The following ATF6 variants were observed in gnomAD, a reference collection of about 807,000 sequenced individuals.
ATF6 encodes activating transcription factor 6.
Under a neutral mutation model 83.6 loss-of-function variants are expected in ATF6, and 53 were observed. The ratio of observed to expected loss-of-function variants is 0.63; its 90% CI spans 0.51 to 0.80. ATF6 has a LOEUF of 0.80. Among genes scored for constraint, ATF6 ranks in the 30% least tolerant of loss-of-function variants. The pLI, the probability that ATF6 is intolerant of heterozygous loss-of-function variation, is 0.00. For missense variants in ATF6, 744 were observed against 797.9 expected, an observed-to-expected ratio of 0.93 and a Z score of 0.81; for synonymous variants, 288 against 285.8, an observed-to-expected ratio of 1.01 and a Z score of -0.08.
chr1:161,841,316 G>GA (rs1686353288), intron 9 of ATF6, among the ~76,000 whole-genome samples: 2 of 152,170 alleles, frequency 1.3e-5, no homozygotes, highest in African/African-American at 4.8e-5. Context: ...TAGTTATTCA[G>GA]ATGGTTAAAA....
intron 9 of ATF6, among the ~76,000 whole-genome samples, chr1:161,832,406 G>A (rs1371228738): frequency 6.6e-6 from 1 of 152,270 alleles, no homozygotes. Context: ...CAGACAGTGG[G>A]TGCAGGACAG....
intron 15 of ATF6, among the ~76,000 whole-genome samples, chr1:161,916,027 ACT>A (rs1688091541): frequency 1.3e-5 from 2 of 152,214 alleles, no homozygotes; most frequent in South Asian, 4.1e-4. Context: ...AAAGACTTAC[ACT>A]CACTGCTTCT....
Position 161,894,521 on chromosome 1 carries a change from C to CTTTTTTT in ATF6, c.1720-17748_1720-17742dup, listed in dbSNP as rs71093131. On this transcript the variant is annotated intron_variant, in intron 14 of 15. Transcript: ENST00000367942. ...TTAGAGGCAACATTTGTTTTGTAGTCTTTTTTTTTTTTTTTTTTTTTTTTT... is the reference window on the plus strand; with the variant it reads ...TTAGAGGCAACATTTGTTTTGTAGTCTTTTTTTTTTTTTTTTTTTTTTTTTTTTTTTT... 3.1e-4 allele frequency among the ~76,000 whole-genome samples: 14 copies of CTTTTTTT among 44,862 alleles called. 1 individual carries two copies. The highest frequency in any genetic ancestry group is 4.6e-4 in the African/African-American group (7 of 15,128). The allele number at this position is 44,862 out of a possible 152,430, so 29.4% of individuals were successfully genotyped here.
intron 7 of ATF6, among the ~76,000 whole-genome samples, chr1:161,818,787 C>T (rs1056759034): frequency 5.3e-5 from 8 of 152,046 alleles, no homozygotes; most frequent in South Asian, 2.1e-4. Flanking sequence ...CTGGTTAGGC[C>T]GTGGGAGGTC....
At chr1:161,861,300 A>G (rs1558000134) in intron 13 of ATF6, among the ~76,000 whole-genome samples, 2 of 148,130 alleles carry the variant, frequency 1.4e-5, no homozygotes, top group Non-Finnish European at 2.9e-5. Context: ...AAAAAAATAT[A>G]GATAGATAGA....
intron 14 of ATF6, among the ~76,000 whole-genome samples, chr1:161,888,172 GA>G (rs760767405): frequency 2.0e-5 from 3 of 152,064 alleles, no homozygotes; most frequent in Non-Finnish European, 2.9e-5. Flanking sequence ...ATCAGACAAC[GA>G]AAGAAAATAA....
At chr1:161,952,290 C>T (rs764911640) in intron 15 of ATF6, among the ~76,000 whole-genome samples, 10 of 152,050 alleles carry the variant, frequency 6.6e-5, no homozygotes, top group Non-Finnish European at 1.3e-4. Flanking sequence ...CTAAAATGTC[C>T]TCCTGGAAAC....
At chr1:161,944,564 G>A (rs1309031871) in intron 15 of ATF6, among the ~76,000 whole-genome samples, 3 of 151,912 alleles carry the variant, frequency 2.0e-5, no homozygotes, top group Non-Finnish European at 4.4e-5. Flanking sequence ...CATCATTACC[G>A]TCTGTTTGAT....
intron 15 of ATF6, among the ~76,000 whole-genome samples, chr1:161,946,096 C>T (rs1315624048): frequency 6.6e-6 from 1 of 152,146 alleles, no homozygotes; most frequent in Non-Finnish European, 1.5e-5. Context: ...GCCTCAACCT[C>T]CCAAGCTCAG....
At chr1:161,881,948 G>A (rs1031420401) in intron 14 of ATF6, among the ~76,000 whole-genome samples, 4 of 151,956 alleles carry the variant, frequency 2.6e-5, no homozygotes, top group Admixed American at 6.6e-5. Flanking sequence ...ATTAATTTCT[G>A]TATATGTGCA....
At chr1:161,912,963 A>C (rs1318716293) in intron 15 of ATF6, among the ~76,000 whole-genome samples, 1 of 152,170 alleles carries the variant, frequency 6.6e-6, no homozygotes, top group Admixed American at 6.5e-5. Context: ...ACAAGCACAA[A>C]AATCACTGTA....
chr1:161,850,529 T>TA (rs1462867057), intron 10 of ATF6, among the ~76,000 whole-genome samples: 2 of 152,202 alleles, frequency 1.3e-5, no homozygotes, highest in African/African-American at 4.8e-5. Flanking sequence ...TCATAGCACT[T>TA]ACTAGAGTTC....
intron 7 of ATF6, among the ~76,000 whole-genome samples, chr1:161,811,019 A>G (rs977191653): frequency 1.3e-5 from 2 of 152,160 alleles, no homozygotes; most frequent in African/African-American, 4.8e-5. Context: ...GTTGGTAGAC[A>G]TTTGGCTTGT....
At chr1:161,775,433 A>G (rs890817334) in intron 1 of ATF6, among the ~76,000 whole-genome samples, 17 of 152,176 alleles carry the variant, frequency 1.1e-4, no homozygotes, top group African/African-American at 4.1e-4. Flanking sequence ...ATCTAACTCT[A>G]TCATTCTGTC....
At chr1:161,820,376 C>G (rs560247443) in intron 8 of ATF6, among the ~76,000 whole-genome samples, 1 of 152,210 alleles carries the variant, frequency 6.6e-6, no homozygotes, top group South Asian at 2.1e-4. Context: ...CTATATTTTA[C>G]TGAAAACAAT....
intron 15 of ATF6, among the ~76,000 whole-genome samples, chr1:161,924,522 T>G (rs558922649): frequency 1.2e-4 from 19 of 152,364 alleles, no homozygotes; most frequent in African/African-American, 3.6e-4. Flanking sequence ...AGACAAAAGT[T>G]GCCTTTGAAC....
chr1:161,804,122 T>G (rs1414656553), intron 7 of ATF6, among the ~76,000 whole-genome samples: 1 of 151,856 alleles, frequency 6.6e-6, no homozygotes, highest in Non-Finnish European at 1.5e-5. Context: ...GATAGTTTAC[T>G]GAGAATGATG....
In ATF6 at chr1:161,791,551, T is replaced by C; in HGVS notation, c.484+14T>C. Reference sequence around the variant, plus strand: ...GGAACAAGACTGGTATTACTCTATCTCCTAACTTCTGTTATTTCTATTTCA... The same window carrying C: ...GGAACAAGACTGGTATTACTCTATCCCCTAACTTCTGTTATTTCTATTTCA... On this transcript the variant is annotated intron_variant, in intron 5 of 15. Coordinates refer to ENST00000367942, the MANE Select transcript of ATF6 (RefSeq NM_007348.4). 6.3e-7 allele frequency: 1 copy of C among 1,581,452 alleles called. No homozygotes were observed. The highest frequency in any genetic ancestry group is 1.4e-5 in the African/African-American group (1 of 73,350).
At chr1:161,891,973 T>C (rs1687566710) in intron 14 of ATF6, 3 of 152,330 alleles carry the variant, frequency 2.0e-5, no homozygotes, top group Middle Eastern at 6.8e-3. Flanking sequence ...CTTAGCGACA[T>C]TGAATGGTTT....
Sources: allele counts gnomAD v4.1 joint callset (sites outside exome capture counted in the v4.1 genomes callset), GRCh38; gene constraint gnomAD v4.1.1; transcripts MANE v1.5; gene names NCBI Gene and HGNC (gene_info 2026-07-23, HGNC 2026-07-21).